The following CIITA variants were observed in gnomAD, a reference collection of about 807,000 sequenced individuals.
The protein encoded by CIITA is MHC class II transactivator.
A neutral mutation model predicts 115.1 loss-of-function variants in CIITA; 72 were observed. That is an observed-to-expected ratio of 0.63 (90% CI 0.52 to 0.76). The LOEUF is 0.76. Among genes scored for constraint, CIITA ranks in the 30% least tolerant of loss-of-function variants. The pLI is 0.00. For synonymous variants in CIITA, 763 were observed against 635.6 expected, an observed-to-expected ratio of 1.20 and a Z score of -3.02; for missense variants, 1,617 against 1,463.8, an observed-to-expected ratio of 1.10 and a Z score of -1.71.
upstream of CIITA, among the ~76,000 whole-genome samples, chr16:10,872,495 A>T (rs1296301718): frequency 6.6e-6 from 1 of 152,158 alleles, no homozygotes; most frequent in Non-Finnish European, 1.5e-5. Flanking sequence ...ATACTTATAC[A>T]CTTATTTACT....
intron 1 of CIITA, among the ~76,000 whole-genome samples, chr16:10,869,207 G>A (rs891857112): frequency 4.6e-5 from 7 of 152,130 alleles, no homozygotes; most frequent in Non-Finnish European, 1.0e-4. Flanking sequence ...CTGGACAATG[G>A]CCCACAAGGC....
chr16:10,908,339 G>A (rs923070807), intron 11 of CIITA, 190 bp downstream of exon 11: 1 of 736,962 alleles, frequency 1.4e-6, no homozygotes, highest in African/African-American at 1.7e-5. Flanking sequence ...CACACAGCAA[G>A]TGAGAGGCAA....
At chr16:10,915,096 G>T (rs766308099) in intron 13 of CIITA, 4 of 453,520 alleles carry the variant, frequency 8.8e-6, no homozygotes, top group Non-Finnish European at 1.8e-5. Flanking sequence ...TCTTACCCAG[G>T]CTGGAGTGCA....
intron 7 of CIITA, among the ~76,000 whole-genome samples, chr16:10,902,390 T>C (rs1371507881): frequency 6.6e-6 from 1 of 152,098 alleles, no homozygotes; most frequent in Non-Finnish European, 1.5e-5. Context: ...AGGAAACACA[T>C]CCGTGCGAGC....
At position 10,901,809 on chromosome 16, in the gene CIITA, G is replaced by C. The variant is rs2038787691; in HGVS notation, c.482-229G>C. 1.4e-6 allele frequency: 1 copy of C among 696,774 alleles called. No individual in the cohort carries two copies. Among genetic ancestry groups the C allele is most frequent in the South Asian group, 1.8e-5 (1 of 56,600 alleles). The allele number at this position is 696,774 out of a possible 1,614,324, so 43.2% of individuals were successfully genotyped here. On this transcript the variant is annotated intron_variant, in intron 6 of 19. Coordinates refer to ENST00000324288, the MANE Select transcript of CIITA (RefSeq NM_000246.4). The surrounding 1 kb of genome is among the most constrained non-coding windows in gnomAD (Gnocchi z 6.8). ...CTATTCTGCCCCAGCTCTCCGTGTG[G>C]AGGCCCTAGGGTCCTGCTCAGCATA...
chr16:10,913,724 G>C (rs1014527985), intron 13 of CIITA, among the ~76,000 whole-genome samples: 2 of 151,920 alleles, frequency 1.3e-5, no homozygotes, highest in African/African-American at 4.8e-5. Context: ...TGGATCACAA[G>C]GCCAGGAGTT....
rs376577994 is a variant in CIITA, at chr16:10,907,408, G to A, written c.1916G>A (p.Gly639Glu). Residue 639 changes from glycine (G) to glutamate (E), a missense_variant, in exon 11 of 20, where the codon GGA becomes GAA. Coordinates refer to ENST00000324288, the MANE Select transcript of CIITA (RefSeq NM_000246.4). The surrounding 1 kb of genome is among the most constrained non-coding windows in gnomAD (Gnocchi z 5.0). Reference protein sequence around the residue: ...EDAKLPSTLTGLYVGLLGRAA... With the variant: ...EDAKLPSTLTELYVGLLGRAA... The stretch of plus-strand genomic sequence containing the variant: ...GCCAAGCTGCCCTCCACGCTCACGG[G>A]ACTCTATGTCGGCCTGCTGGGCCGT... The A allele has an allele frequency of 3.7e-6, 6 of 1,613,138 alleles. No homozygotes were observed. The African/African-American group carries it at 8.0e-5, about 22-fold the overall frequency.
At chr16:10,902,396 C>A (rs79550768) in intron 7 of CIITA, among the ~76,000 whole-genome samples, 3 of 152,154 alleles carry the variant, frequency 2.0e-5, no homozygotes, top group Non-Finnish European at 4.4e-5. Flanking sequence ...CACATCCGTG[C>A]GAGCATCAGG....
intron 5 of CIITA, among the ~76,000 whole-genome samples, chr16:10,899,847 AGGG>A (rs2038527290): frequency 6.6e-6 from 1 of 152,206 alleles, no homozygotes; most frequent in Non-Finnish European, 1.5e-5. Flanking sequence ...TGGGAGGCCA[AGGG>A]GGACGGATCA....
At chr16:10,902,527 C>T (rs909924114) in intron 7 of CIITA, 131 bp from the exon 8 acceptor site, 18 of 1,145,012 alleles carry the variant, frequency 1.6e-5, no homozygotes, top group African/African-American at 3.1e-5. Flanking sequence ...CAGGGCAGGA[C>T]AGAAACAGCT....
intron 12 of CIITA, among the ~76,000 whole-genome samples, chr16:10,909,972 C>T (rs774010371): frequency 6.6e-6 from 1 of 152,146 alleles, no homozygotes; most frequent in Non-Finnish European, 1.5e-5. Flanking sequence ...TGGCCTCAAG[C>T]AATCCTCCTG....
At position 10,906,924 on chromosome 16, in the gene CIITA, G is replaced by A. The variant is rs749736732; in HGVS notation, c.1432G>A (p.Val478Met). 2.5e-6 allele frequency: 4 copies of A among 1,613,356 alleles called. No individual in the cohort carries two copies. Among genetic ancestry groups the A allele is most frequent in the South Asian group, 2.2e-5 (2 of 91,092 alleles). Residue 478 changes from valine to methionine, a missense_variant, in exon 11 of 20, where the codon GTG becomes ATG. Val to Met is a conservative substitution (Grantham distance 21, BLOSUM62 1). Transcript: ENST00000324288. ...LLFSLGPQPL[V>M]AADEVFSHIL... ...CTTCTCCCTGGGCCCACAGCCACTC[G>A]TGGCGGCCGATGAGGTTTTCAGCCA...
chr16:10,916,220 C>T, intron 14 of CIITA, 147 bp from the exon 15 acceptor site: 1 of 746,610 alleles, frequency 1.3e-6, no homozygotes, highest in Non-Finnish European at 2.3e-6. Flanking sequence ...GTCTGAAAAG[C>T]TCAGGAATGT....
Position 10,941,426 on chromosome 16 carries a change from G to C in CIITA, n.552G>C. On this transcript the variant is annotated non_coding_transcript_exon_variant, in exon 2 of 2. Transcript: ENST00000573379. The surrounding 1 kb of genome is among the most constrained non-coding windows in gnomAD (Gnocchi z 6.4). ...AAACGAAGGGCTTAAGAGGAGTCTG[G>C]CCATTCCTGGCATCCAGTTAGACCT... 2 of 784,288 alleles carry C rather than the reference G, an allele frequency of 2.6e-6. No individual in the cohort carries two copies. Among genetic ancestry groups the C allele is most frequent in the Non-Finnish European group, 3.4e-6 (2 of 582,030 alleles). The allele number at this position is 784,288 out of a possible 1,614,324, so 48.6% of individuals were successfully genotyped here. A position where few individuals can be genotyped will look rare whatever the true frequency, so the allele number is the denominator to read the frequency against.
chr16:10,893,345 C>T (rs1021071118), intron 1 of CIITA, among the ~76,000 whole-genome samples: 1 of 152,142 alleles, frequency 6.6e-6, no homozygotes, highest in African/African-American at 2.4e-5. Flanking sequence ...TGGCAGGAGC[C>T]TTAGAGCCAC....
intron 13 of CIITA, among the ~76,000 whole-genome samples, chr16:10,913,055 C>T (rs1251316105): frequency 2.6e-5 from 4 of 152,332 alleles, no homozygotes; most frequent in South Asian, 4.1e-4. Flanking sequence ...CTCCTACACT[C>T]GCTGGGTGCT....
intron 1 of CIITA, among the ~76,000 whole-genome samples, chr16:10,871,487 C>A (rs570429201): frequency 2.0e-5 from 3 of 152,156 alleles, no homozygotes; most frequent in African/African-American, 7.2e-5. Context: ...GATTTCATTG[C>A]GTGACATTTT....
chr16:10,922,961 A>C (rs1783767523), intron 18 of CIITA: 1 of 555,420 alleles, frequency 1.8e-6, no homozygotes, highest in South Asian at 2.1e-5. Flanking sequence ...TACAAGACCC[A>C]TTTTACAGAT....
Position 10,891,738 on chromosome 16 carries a change from A to T in CIITA, c.53-3544A>T, listed in dbSNP as rs575234774. The stretch of plus-strand genomic sequence containing the variant: ...AGATTTTGTGCCTGTGTCCCTGACC[A>T]AGGGGCTGGGAGAGGTGGAGCATCT... On this transcript the variant is annotated intron_variant, in intron 1 of 19. Coordinates refer to ENST00000324288, the MANE Select transcript of CIITA (RefSeq NM_000246.4). 2.6e-5 allele frequency among the ~76,000 whole-genome samples: 4 copies of T among 152,312 alleles called. 1 individual carries two copies. The highest frequency in any genetic ancestry group is 9.6e-5 in the African/African-American group (4 of 41,574).
Sources: gnomAD v4.1 joint callset for allele counts (sites outside exome capture counted in the v4.1 genomes callset) on GRCh38, gnomAD v4.1.1 for gene constraint, Gnocchi (gnomAD v3.1) non-coding constraint, MANE v1.5 for transcripts, NCBI Gene and HGNC (gene_info 2026-07-23, HGNC 2026-07-21) for gene names.